CALN1: variants seen among roughly 807,000 people sequenced by gnomAD.
The protein encoded by CALN1 is calneuron 1.
Under a neutral mutation model 30.6 loss-of-function variants are expected in CALN1, and 17 were observed. That is an observed-to-expected ratio of 0.56 (90% confidence interval 0.38 to 0.83). The LOEUF (loss-of-function observed/expected upper bound fraction) is 0.83, where lower values mean the gene tolerates loss of function less well. Among genes scored for constraint, CALN1 ranks in the 40% least tolerant of loss-of-function variants. The pLI is 0.00. For missense variants in CALN1, 291 were observed against 354.9 expected (o/e 0.82, Z 1.45); for synonymous variants, 156 against 131.4 (o/e 1.19, Z -1.28).
At chr7:72,296,455 T>C (rs966306646) in intron 2 of CALN1, among the ~76,000 whole-genome samples, 7 of 151,356 alleles carry the variant, frequency 4.6e-5, no homozygotes, top group African/African-American at 1.7e-4. Flanking sequence ...TTCCTCCTTG[T>C]ACCTCTGTAG....
At chr7:72,422,327 G>T (rs1585712360) in intron 1 of CALN1, among the ~76,000 whole-genome samples, 1 of 152,074 alleles carries the variant, frequency 6.6e-6, no homozygotes, top group Admixed American at 6.6e-5. Flanking sequence ...GACCATTCTC[G>T]CAGGAGTAAG....
chr7:72,249,118 GA>G (rs2129551893), intron 3 of CALN1, among the ~76,000 whole-genome samples: 1 of 152,230 alleles, frequency 6.6e-6, no homozygotes, highest in South Asian at 2.1e-4. Context: ...GCAGAGTTCT[GA>G]CTGACCTGAT....
chr7:72,415,786 G>A (rs117628291), upstream of CALN1, among the ~76,000 whole-genome samples: 2,248 of 152,246 alleles, frequency 0.015, 36 homozygotes, highest in Middle Eastern at 0.041. Flanking sequence ...GTGAGGGTAC[G>A]GGGGGCGCGG....
At chr7:72,411,807 TAAG>T (rs922288887) in intron 1 of CALN1, among the ~76,000 whole-genome samples, 48 of 151,838 alleles carry the variant, frequency 3.2e-4, no homozygotes, top group African/African-American at 1.1e-3. Flanking sequence ...TTTAAAGTAA[TAAG>T]AAAAGAACCA....
intron 5 of CALN1, among the ~76,000 whole-genome samples, chr7:71,992,290 A>T (rs1798995874): frequency 6.6e-6 from 1 of 152,254 alleles, no homozygotes; most frequent in African/African-American, 2.4e-5. Flanking sequence ...GCCTTGTATA[A>T]GAAAATGTTA....
At chr7:71,818,145 T>C (rs1788376356) in intron 5 of CALN1, among the ~76,000 whole-genome samples, 1 of 152,100 alleles carries the variant, frequency 6.6e-6, no homozygotes, top group African/African-American at 2.4e-5. Context: ...ATGTGGTACA[T>C]GCTGTGGGAG....
chr7:72,406,510 A>C (rs1388344723), intron 1 of CALN1, among the ~76,000 whole-genome samples: 1 of 152,170 alleles, frequency 6.6e-6, no homozygotes, highest in African/African-American at 2.4e-5. Flanking sequence ...TTGCCTTTAC[A>C]ATCGTCATCT....
chr7:72,331,923 T>C (rs1024523949), intron 2 of CALN1, among the ~76,000 whole-genome samples: 3 of 152,184 alleles, frequency 2.0e-5, no homozygotes, highest in Non-Finnish European at 4.4e-5. Context: ...TCTCATCACT[T>C]AGCTTCCACT....
intron 1 of CALN1, among the ~76,000 whole-genome samples, chr7:72,427,819 C>A (rs557573508): frequency 1.3e-5 from 2 of 152,122 alleles, no homozygotes; most frequent in South Asian, 4.2e-4. Flanking sequence ...CAGATCACAT[C>A]ACTGTCTTGC....
intron 3 of CALN1, among the ~76,000 whole-genome samples, chr7:72,175,078 ATT>A (rs1047400362): frequency 6.9e-6 from 1 of 145,574 alleles, no homozygotes. Context: ...AATATAATCA[ATT>A]TTTTTTTTTT....
chr7:72,139,321 C>T (rs969435308), intron 3 of CALN1, among the ~76,000 whole-genome samples: 14 of 151,974 alleles, frequency 9.2e-5, no homozygotes, highest in Admixed American at 2.6e-4. Flanking sequence ...CTACCCACCT[C>T]AGCCACGCCC....
At chr7:71,809,489 G>GA (rs1337892912) in intron 6 of CALN1, among the ~76,000 whole-genome samples, 1 of 121,264 alleles carries the variant, frequency 8.2e-6, no homozygotes, top group African/African-American at 3.0e-5. Context: ...GAAAAGAAAA[G>GA]AAAAAAAATT....
At chr7:72,493,249 T>C in the CALN1 span, among the ~76,000 whole-genome samples, 157 of 152,316 alleles carry the variant, frequency 1.0e-3, no homozygotes, top group African/African-American at 3.5e-3. Flanking sequence ...ACAGAAATGG[T>C]ATCATACAAT....
At chr7:72,192,264 A>G (rs1041815336) in intron 3 of CALN1, among the ~76,000 whole-genome samples, 1 of 152,216 alleles carries the variant, frequency 6.6e-6, no homozygotes, top group Non-Finnish European at 1.5e-5. Flanking sequence ...CAACTGTAAC[A>G]CAACAGTAAG....
At chr7:72,240,219 G>A (rs1460340636) in intron 3 of CALN1, among the ~76,000 whole-genome samples, 1 of 151,298 alleles carries the variant, frequency 6.6e-6, no homozygotes, top group Non-Finnish European at 1.5e-5. Flanking sequence ...AATAAAGATG[G>A]GGTCTTGCTT....
At chr7:72,393,888 T>TAC (rs1300995239) in intron 2 of CALN1, among the ~76,000 whole-genome samples, 1 of 152,154 alleles carries the variant, frequency 6.6e-6, no homozygotes, top group African/African-American at 2.4e-5. Context: ...TAGCTAGGAT[T>TAC]ACAGGCATGG....
intron 5 of CALN1, among the ~76,000 whole-genome samples, chr7:71,875,665 T>C (rs1170008854): frequency 1.3e-5 from 2 of 152,114 alleles, no homozygotes; most frequent in Non-Finnish European, 2.9e-5. Flanking sequence ...GAGCTATGTA[T>C]CTGGAGAATA....
At chr7:72,000,081 G>C (rs1052976775) in intron 5 of CALN1, among the ~76,000 whole-genome samples, 1 of 151,998 alleles carries the variant, frequency 6.6e-6, no homozygotes, top group African/African-American at 2.4e-5. Context: ...AGCGTGGAAT[G>C]TCAATCAATA....
At chr7:72,235,806 A>G (rs1011691641) in intron 3 of CALN1, among the ~76,000 whole-genome samples, 68 of 151,734 alleles carry the variant, frequency 4.5e-4, no homozygotes, top group African/African-American at 1.6e-3. Flanking sequence ...AGTTACAACC[A>G]CTGTCCCTTT....
Sources: allele counts gnomAD v4.1 joint callset (sites outside exome capture counted in the v4.1 genomes callset), GRCh38; gene constraint gnomAD v4.1.1; transcripts MANE v1.5; gene names NCBI Gene and HGNC (gene_info 2026-07-23, HGNC 2026-07-21).